ERMP1: variants seen among roughly 807,000 people sequenced by gnomAD.
ERMP1 encodes endoplasmic reticulum metallopeptidase 1, also known as Felix-ina.
In ERMP1, 86 loss-of-function variants were observed where a neutral mutation model predicts 92.0. The observed-to-expected ratio is 0.93, with a 90% CI of 0.79 to 1.12. The LOEUF is 1.12. ERMP1 is among the 50% of genes most tolerant of loss of function. The probability of loss-of-function intolerance (pLI) is 0.00; values close to 1 mark genes in which losing one functional copy is unlikely to be tolerated. For missense variants in ERMP1, 1,342 were observed against 1,116.3 expected (o/e 1.20, Z -2.88); for synonymous variants, 530 against 412.8 (o/e 1.28, Z -3.44).
chr9:5,793,618 A>G (rs1328091652), intron 13 of ERMP1, among the ~76,000 whole-genome samples: 1 of 152,124 alleles, frequency 6.6e-6, no homozygotes. Context: ...TACCATGCTA[A>G]CACTAATCAA....
At chr9:5,813,330 A>G (rs930546216) in intron 4 of ERMP1, among the ~76,000 whole-genome samples, 2 of 152,190 alleles carry the variant, frequency 1.3e-5, no homozygotes, top group African/African-American at 2.4e-5. Flanking sequence ...TATCAATTGT[A>G]TATCTTTAAT....
chr9:5,798,678 A>T (rs1828545520), intron 12 of ERMP1, 128 bp downstream of exon 12: 3 of 585,256 alleles, frequency 5.1e-6, no homozygotes, highest in Non-Finnish European at 8.8e-6. Flanking sequence ...TTTCATAATG[A>T]TAGAAAAAAT....
intron 6 of ERMP1, among the ~76,000 whole-genome samples, chr9:5,847,016 C>A (rs1276740278): frequency 6.6e-6 from 1 of 152,192 alleles, no homozygotes; most frequent in East Asian, 1.9e-4. Flanking sequence ...TCAGCATATT[C>A]TCTCCTGCAT....
At chr9:5,808,337 C>A (rs1464515296) in intron 8 of ERMP1, among the ~76,000 whole-genome samples, 1 of 152,226 alleles carries the variant, frequency 6.6e-6, no homozygotes, top group Non-Finnish European at 1.5e-5. Flanking sequence ...TGATTACATA[C>A]AATTACAATA....
Position 5,786,976 on chromosome 9 carries a change from G to A in ERMP1, c.*168C>T, listed in dbSNP as rs1283935717. The A allele has an allele frequency of 1.1e-5, 7 of 637,934 alleles. No individual in the cohort carries two copies. The highest frequency in any genetic ancestry group is 1.8e-5 in the Non-Finnish European group (7 of 393,800). 39.5% of individuals were successfully genotyped at this position (637,934 alleles called of 1,614,324 possible). ...ACAGGCCATGCATCACTGCGCCACA[G>A]CTAAACCCTTATAGTGCTTGGCCCT... On this transcript the variant is annotated 3_prime_UTR_variant, in exon 15 of 15. Transcript: ENST00000339450.
chr9:5,865,323 C>T (rs767966001), intron 5 of ERMP1, among the ~76,000 whole-genome samples: 3 of 150,836 alleles, frequency 2.0e-5, no homozygotes, highest in South Asian at 4.2e-4. Flanking sequence ...TGGATTAACA[C>T]GGTGAAACCC....
Position 5,825,360 on chromosome 9 carries a change from G to A in ERMP1, c.641-141C>T, listed in dbSNP as rs962678749. ...AGAAGCATAGCTCTGTCATCATCAG[G>A]TGACAATCACACCCACCAGCAGTAA... On this transcript the variant is annotated intron_variant, in intron 2 of 14. Transcript: ENST00000339450. 3 of 793,860 alleles carry A rather than the reference G, an allele frequency of 3.8e-6. No homozygotes were observed. In the South Asian group the frequency reaches 5.6e-5, roughly 15 times the overall value. 49.2% of individuals were successfully genotyped at this position (793,860 alleles called of 1,614,324 possible).
chr9:5,856,116 A>T, intron 6 of ERMP1: 1 of 360,544 alleles, frequency 2.8e-6, no homozygotes, highest in South Asian at 2.7e-5. Context: ...ATCTTCAAAC[A>T]GATCACTAAA....
chr9:5,805,645 T>C lies in ERMP1; in HGVS notation c.1689A>G (p.Thr563=). Residue 563 remains threonine (T), a synonymous_variant, in exon 9 of 15, where the codon ACA becomes ACG. Coordinates refer to ENST00000339450, the MANE Select transcript of ERMP1 (RefSeq NM_024896.3). ...SAVWVAFPLL[T]KLCVHKDFKQ... The stretch of plus-strand genomic sequence containing the variant: ...TGAAGTCCTTATGCACACAGAGCTT[T>C]GTGAGCAATGGGAATGCTACCCAGA... The C allele has an allele frequency of 6.2e-7, 1 of 1,608,718 alleles. No individual in the cohort carries two copies. Among genetic ancestry groups the C allele is most frequent in the Non-Finnish European group, 8.5e-7 (1 of 1,178,194 alleles).
At chr9:5,808,720 T>G (rs1828964568) in intron 8 of ERMP1, among the ~76,000 whole-genome samples, 1 of 152,206 alleles carries the variant, frequency 6.6e-6, no homozygotes, top group South Asian at 2.1e-4. Flanking sequence ...ACCTATTATT[T>G]TACAGCTTTT....
rs1182198234 is a variant in ERMP1, at chr9:5,785,619, T to A, written c.*1525A>T. ...TAGGCAGGCAACGAGGGGCATGATT[T>A]AAAAAGCACATCATACACATGAGAC... is the stretch of plus-strand genomic sequence containing the variant. On this transcript the variant is annotated 3_prime_UTR_variant, in exon 15 of 15. Transcript: ENST00000339450. 2 of 152,760 alleles carry A rather than the reference T, an allele frequency of 1.3e-5. No individual in the cohort carries two copies. The highest frequency in any genetic ancestry group is 1.3e-4 in the Admixed American group (2 of 15,288). 9.5% of individuals were successfully genotyped at this position (152,760 alleles called of 1,614,324 possible). A position where few individuals can be genotyped will look rare whatever the true frequency, so the allele number is the denominator to read the frequency against.
chr9:5,832,780 G>T lies in ERMP1; in HGVS notation c.248C>A (p.Ala83Glu), dbSNP rs1586829439. The change falls in exon 1 of 15, where the codon GCG (alanine) becomes GAG (glutamate). Residue 83 changes from alanine to glutamate, a missense_variant. Coordinates refer to ENST00000339450, the MANE Select transcript of ERMP1 (RefSeq NM_024896.3). ...AALGLALYLI[A>E]LRTLVQLSLQ... is the part of the protein sequence containing the mutation. The stretch of plus-strand genomic sequence containing the variant: ...CGAGAGCTGCACCAGCGTCCGCAGC[G>T]CGATCAGGTAGAGCGCGAGCCCCAG... 1 of 1,500,248 alleles carries T rather than the reference G, an allele frequency of 6.7e-7. No homozygotes were observed. Among genetic ancestry groups the T allele is most frequent in the East Asian group, 2.8e-5 (1 of 35,700 alleles). The allele number at this position is 1,500,248 out of a possible 1,614,324, so 92.9% of individuals were successfully genotyped here.
intron 2 of ERMP1, among the ~76,000 whole-genome samples, chr9:5,826,439 G>A (rs1829734809): frequency 1.3e-5 from 2 of 152,186 alleles, no homozygotes; most frequent in South Asian, 4.1e-4. Flanking sequence ...AGGTTTAAGA[G>A]TCACACAAGA....
rs576879033 is a variant in ERMP1 at position 5,811,337 on chromosome 9, C to CAA, written c.1115-16_1115-15dup. The CAA allele has an allele frequency of 4.1e-5, 47 of 1,154,180 alleles. No individual in the cohort carries two copies. Among genetic ancestry groups the CAA allele is most frequent in the East Asian group, 6.0e-5 (2 of 33,542 alleles). The allele number at this position is 1,154,180 out of a possible 1,614,324, so 71.5% of individuals were successfully genotyped here. A position where few individuals can be genotyped will look rare whatever the true frequency, so the allele number is the denominator to read the frequency against. On this transcript the variant is annotated splice_polypyrimidine_tract_variant and intron_variant, in intron 6 of 14. Transcript: ENST00000339450. ...AAATGTTGTCACCTATTAGTAAAAA[C>CAA]AAAAAAAAAAAGAAAGAAAAGGAAA... is the stretch of plus-strand genomic sequence containing the variant.
intron 6 of ERMP1, among the ~76,000 whole-genome samples, chr9:5,847,948 C>G (rs1051152873): frequency 6.8e-6 from 1 of 147,760 alleles, no homozygotes; most frequent in Non-Finnish European, 1.5e-5. Flanking sequence ...AAAATCAGAA[C>G]AAAACAAACC....
chr9:5,805,518 C>A, intron 9 of ERMP1, 93 bp downstream of exon 9: 1 of 1,115,040 alleles, frequency 9.0e-7, no homozygotes, highest in Non-Finnish European at 1.2e-6. Context: ...ATTTAGAAAG[C>A]CTACCCAATA....
chr9:5,851,314 G>A lies in ERMP1; in HGVS notation n.3199+8154C>T, dbSNP rs1013743729. Among the ~76,000 whole-genome samples, 5 of 151,946 alleles carry A rather than the reference G, an allele frequency of 3.3e-5. No homozygotes were observed. The South Asian group carries it at 1.0e-3, about 32-fold the overall frequency. ...TCCTGTCATAGCTTTTCTTTCATTT[G>A]TTTCTGTTTACCTATTTTTTACAGA... On this transcript the variant is annotated intron_variant and non_coding_transcript_variant, in intron 6 of 6. Coordinates refer to the ERMP1 transcript ENST00000690753.
chr9:5,800,033 A>G (rs764362327), intron 11 of ERMP1, among the ~76,000 whole-genome samples: 9 of 152,210 alleles, frequency 5.9e-5, no homozygotes, highest in East Asian at 1.9e-4. Flanking sequence ...AAGTCCTTGA[A>G]TAATTATCTA....
At position 5,845,871 on chromosome 9, in the gene ERMP1, T is replaced by C. The variant is rs141154911; in HGVS notation, n.3200-12559A>G. On this transcript the variant is annotated intron_variant and non_coding_transcript_variant, in intron 6 of 6. Transcript: ENST00000690753. ...ACCATGGACAGGTGTAAGGGGAAGT[T>C]CCAGGAGGGAGGCAATTAGTGTAAC... Among the ~76,000 whole-genome samples the C allele has an allele frequency of 3.8e-3, 586 of 152,216 alleles. 2 individuals are homozygous for C. Among genetic ancestry groups the C allele is most frequent in the African/African-American group, 0.013 (544 of 41,520 alleles).
Sources: gnomAD v4.1 joint callset for allele counts (sites outside exome capture counted in the v4.1 genomes callset) on GRCh38, gnomAD v4.1.1 for gene constraint, MANE v1.5 for transcripts, NCBI Gene and HGNC (gene_info 2026-07-23, HGNC 2026-07-21) for gene names.